The following GPBP1L1 variants were observed in gnomAD, a reference collection of about 807,000 sequenced individuals.
GPBP1L1 encodes GC-rich promoter binding protein 1 like 1, also known as vasculin-like protein 1.
Under a neutral mutation model 52.5 loss-of-function variants are expected in GPBP1L1, and 23 were observed. The observed-to-expected ratio is 0.44, with a 90% CI of 0.32 to 0.62. The LOEUF is 0.62. GPBP1L1 is among the 20% of genes least tolerant of loss of function. The probability of loss-of-function intolerance (pLI) is 0.06; values close to 1 mark genes in which losing one functional copy is unlikely to be tolerated. For synonymous variants in GPBP1L1, 243 were observed against 203.1 expected, an observed-to-expected ratio of 1.20 and a Z score of -1.67; for missense variants, 596 against 579.3, an observed-to-expected ratio of 1.03 and a Z score of -0.30.
chr1:45,686,009 G>A (rs1243051336), intron 1 of GPBP1L1, among the ~76,000 whole-genome samples: 2 of 152,002 alleles, frequency 1.3e-5, no homozygotes, highest in African/African-American at 2.4e-5. Flanking sequence ...GTTTTCCTTT[G>A]AAGGAAAACA....
chr1:45,680,730 C>G (rs1449672753), intron 2 of GPBP1L1, among the ~76,000 whole-genome samples: 2 of 151,944 alleles, frequency 1.3e-5, no homozygotes, highest in African/African-American at 2.4e-5. Context: ...TCCCAAATAC[C>G]TACCTAATTT....
Position 45,634,192 on chromosome 1 carries a change from G to A in GPBP1L1, c.789C>T (p.Ser263=), listed in dbSNP as rs1644566493. The A allele has an allele frequency of 6.2e-7, 1 of 1,613,780 alleles. No homozygotes were observed. Among genetic ancestry groups the A allele is most frequent in the South Asian group, 1.1e-5 (1 of 91,028 alleles). Residue 263 remains serine, a synonymous_variant, in exon 9 of 13, where the codon TCC becomes TCT. Coordinates refer to ENST00000355105, the MANE Select transcript of GPBP1L1 (RefSeq NM_021639.5). ...KANRMEHKSG[S]LSSSRESAFT... ...AAGCAGACTCCCGGCTAGAGGAAAG[G>A]GATCCTGACTTGTGCTCCATCCTGT... is the stretch of plus-strand genomic sequence containing the variant.
At chr1:45,674,520 T>C (rs550131237) in intron 2 of GPBP1L1, among the ~76,000 whole-genome samples, 3 of 152,358 alleles carry the variant, frequency 2.0e-5, no homozygotes, top group Admixed American at 6.5e-5. Flanking sequence ...CTTAGGACGA[T>C]AGTTCAATTT....
chr1:45,680,485 T>A (rs1312944168), intron 2 of GPBP1L1, among the ~76,000 whole-genome samples: 1 of 152,106 alleles, frequency 6.6e-6, no homozygotes, highest in African/African-American at 2.4e-5. Flanking sequence ...GTGATCCGCC[T>A]GCCTCAGCCT....
chr1:45,637,627 A>C (rs1255023984), intron 8 of GPBP1L1, among the ~76,000 whole-genome samples: 1 of 151,094 alleles, frequency 6.6e-6, no homozygotes, highest in Non-Finnish European at 1.5e-5. Context: ...TCCTTGTAAA[A>C]ATTTTTTTAC....
chr1:45,686,171 G>A (rs1443017238), intron 1 of GPBP1L1, among the ~76,000 whole-genome samples: 1 of 152,250 alleles, frequency 6.6e-6, no homozygotes, highest in Admixed American at 6.5e-5. Flanking sequence ...GAGCGCTTTC[G>A]CGGAGCCCCG....
intron 6 of GPBP1L1, among the ~76,000 whole-genome samples, chr1:45,653,883 G>C (rs917813179): frequency 1.3e-5 from 2 of 151,724 alleles, no homozygotes; most frequent in African/African-American, 4.8e-5. Context: ...GTTTTTAGTA[G>C]ATATGGGGTT....
chr1:45,669,214 A>G (rs1432514169), intron 2 of GPBP1L1, among the ~76,000 whole-genome samples: 3 of 152,222 alleles, frequency 2.0e-5, no homozygotes, highest in African/African-American at 7.2e-5. Context: ...TGCCCAGACT[A>G]GAGTACATTG....
chr1:45,653,698 T>C (rs1557707107), intron 6 of GPBP1L1, among the ~76,000 whole-genome samples: 1 of 132,494 alleles, frequency 7.5e-6, no homozygotes, highest in African/African-American at 2.8e-5. Context: ...ATAATCTTTT[T>C]TTTCTTTTTT....
intron 2 of GPBP1L1, among the ~76,000 whole-genome samples, chr1:45,681,645 G>C (rs1028515425): frequency 2.0e-5 from 3 of 152,188 alleles, no homozygotes; most frequent in Non-Finnish European, 2.9e-5. Flanking sequence ...TAATAATCAT[G>C]AAGTTCTTAC....
chr1:45,642,766 T>C (rs1644690493), intron 6 of GPBP1L1, among the ~76,000 whole-genome samples: 1 of 152,240 alleles, frequency 6.6e-6, no homozygotes, highest in South Asian at 2.1e-4. Context: ...ACAGACTAAA[T>C]GTGCGAATTC....
intron 2 of GPBP1L1, among the ~76,000 whole-genome samples, chr1:45,679,302 C>T (rs561604482): frequency 6.6e-5 from 10 of 152,298 alleles, no homozygotes; most frequent in Non-Finnish European, 8.8e-5. Context: ...GCATTCAAAA[C>T]CCCTGCCAAG....
chr1:45,673,316 G>C (rs1645097144), intron 2 of GPBP1L1, among the ~76,000 whole-genome samples: 1 of 152,206 alleles, frequency 6.6e-6, no homozygotes, highest in Admixed American at 6.5e-5. Context: ...CAGAGGAGTT[G>C]AGGGGTGTGA....
chr1:45,642,818 G>C (rs1472441813), intron 6 of GPBP1L1, among the ~76,000 whole-genome samples: 1 of 152,196 alleles, frequency 6.6e-6, no homozygotes, highest in East Asian at 1.9e-4. Flanking sequence ...AGGAGGCACT[G>C]AAAGTTAGAT....
chr1:45,646,764 A>G (rs1644752250), intron 6 of GPBP1L1, among the ~76,000 whole-genome samples: 1 of 151,968 alleles, frequency 6.6e-6, no homozygotes, highest in Admixed American at 6.6e-5. Flanking sequence ...TCAACATGTT[A>G]GTCAGGATGG....
intron 9 of GPBP1L1, 89 bp downstream of exon 9, chr1:45,634,007 G>GT (rs1644563224): frequency 7.7e-7 from 1 of 1,292,308 alleles, no homozygotes; most frequent in Non-Finnish European, 1.1e-6. Flanking sequence ...TACAAAACAA[G>GT]TGTCACAGCT....
intron 7 of GPBP1L1, 76 bp from the exon 8 acceptor site, chr1:45,640,479 C>T (rs1644658155): frequency 1.7e-6 from 2 of 1,190,274 alleles, no homozygotes; most frequent in South Asian, 2.6e-5. Context: ...TATACAAAGG[C>T]CTTAGTCAAC....
intron 6 of GPBP1L1, among the ~76,000 whole-genome samples, chr1:45,646,841 G>C (rs981390342): frequency 6.6e-6 from 1 of 152,086 alleles, no homozygotes; most frequent in East Asian, 1.9e-4. Flanking sequence ...ACAGGTGTGA[G>C]CCACCGTACC....
At chr1:45,633,976 C>G (rs1007398444) in intron 9 of GPBP1L1, 120 bp downstream of exon 9, 30 of 1,133,864 alleles carry the variant, frequency 2.6e-5, no homozygotes, top group Non-Finnish European at 3.7e-5. Flanking sequence ...AATAAAGAAA[C>G]TATTCTCAGC....
Sources: gnomAD v4.1 joint callset for allele counts (sites outside exome capture counted in the v4.1 genomes callset) on GRCh38, gnomAD v4.1.1 for gene constraint, MANE v1.5 for transcripts, NCBI Gene and HGNC (gene_info 2026-07-23, HGNC 2026-07-21) for gene names.